The following HERC1 variants were observed in gnomAD, a reference collection of about 807,000 sequenced individuals.
HERC1 encodes HECT and RLD domain containing E3 ubiquitin protein ligase family member 1.
A neutral mutation model predicts 554.3 loss-of-function variants in HERC1; 160 were observed. The observed-to-expected ratio is 0.29, with a 90% CI of 0.25 to 0.33. HERC1 has a LOEUF of 0.33. Ranked by LOEUF, HERC1 falls within the 10% of genes least tolerant of loss-of-function variation. The pLI, the probability that HERC1 is intolerant of heterozygous loss-of-function variation, is 1.00. For synonymous variants in HERC1, 2,175 were observed against 2,131.7 expected, an observed-to-expected ratio of 1.02 and a Z score of -0.56; for missense variants, 4,919 against 5,918.5, an observed-to-expected ratio of 0.83 and a Z score of 5.54.
At position 63,608,904 on chromosome 15, in the gene HERC1, G is replaced by T; in HGVS notation, c.*177C>A. 1 of 516,656 alleles carries T rather than the reference G, an allele frequency of 1.9e-6. No homozygotes were observed. 32.0% of individuals were successfully genotyped at this position (516,656 alleles called of 1,614,324 possible). ...TTTTTGTTGTTTTTGTACAATCACAGAAAAATAAAAACATCTAATTTCTTT... is the reference window on the plus strand; with the variant it reads ...TTTTTGTTGTTTTTGTACAATCACATAAAAATAAAAACATCTAATTTCTTT... On this transcript the variant is annotated 3_prime_UTR_variant, in exon 78 of 78. Coordinates refer to ENST00000443617, the MANE Select transcript of HERC1 (RefSeq NM_003922.4).
chr15:63,738,733 AATCT>A (rs1461725089), intron 12 of HERC1, among the ~76,000 whole-genome samples: 1 of 152,230 alleles, frequency 6.6e-6, no homozygotes, highest in Non-Finnish European at 1.5e-5. Context: ...ATCCTGGAAC[AATCT>A]ATCTCCAAGT....
At chr15:63,791,971 G>A (rs1397169540) in intron 1 of HERC1, among the ~76,000 whole-genome samples, 3 of 152,170 alleles carry the variant, frequency 2.0e-5, no homozygotes, top group Admixed American at 6.5e-5. Flanking sequence ...CTTGTTATCA[G>A]CAACTGTCTG....
intron 12 of HERC1, among the ~76,000 whole-genome samples, chr15:63,744,164 G>GTGTGTGTGTCTCTC: frequency 8.6e-5 from 4 of 46,312 alleles, no homozygotes; most frequent in East Asian, 4.9e-4. Context: ...GTGTGTGTGT[G>GTGTGTGTGTCTCTC]TCTCTCTCTC....
intron 76 of HERC1, among the ~76,000 whole-genome samples, chr15:63,613,445 GGTTT>G: frequency 6.6e-6 from 1 of 152,056 alleles, no homozygotes. Flanking sequence ...CACTGTTCAA[GGTTT>G]GTTTCATAAA....
chr15:63,833,747 G>GCACACACACACACA (rs1279912396), intron 1 of HERC1, 80 bp downstream of exon 1: 1 of 117,738 alleles, frequency 8.5e-6, no homozygotes, highest in African/African-American at 4.1e-5. Context: ...GCACACACGC[G>GCACACACACACACA]CGCGCGCACA....
Position 63,641,576 on chromosome 15 carries a change from G to T in HERC1, c.11501C>A (p.Thr3834Lys). Residue 3834 changes from threonine (T) to lysine (K), a missense_variant, in exon 60 of 78, where the codon ACA becomes AAA. Physicochemically the swap from Thr to Lys is moderately conservative, Grantham distance 78 (BLOSUM62 -1). This residue lies in a region of HERC1 where 1,963 missense variants were observed against 2,228.6 expected (regional missense o/e 0.88). Transcript: ENST00000443617. ...AANHVLATCR[T>K]ALKQQGVLGL... Reference sequence around the variant, plus strand: ...CAGAACACCCTGCTGTTTCAATGCTGTCCTACAGGTTGCCAAAACATGATT... The same window carrying T: ...CAGAACACCCTGCTGTTTCAATGCTTTCCTACAGGTTGCCAAAACATGATT... 1 of 1,604,220 alleles carries T rather than the reference G, an allele frequency of 6.2e-7. No homozygotes were observed. Among genetic ancestry groups the T allele is most frequent in the Non-Finnish European group, 8.5e-7 (1 of 1,174,676 alleles).
chr15:63,693,494 T>C (rs1282218861), intron 30 of HERC1, among the ~76,000 whole-genome samples: 2 of 152,134 alleles, frequency 1.3e-5, no homozygotes, highest in Non-Finnish European at 2.9e-5. Flanking sequence ...TCCACCCACC[T>C]TGGCCTCCCA....
At chr15:63,646,546 A>C (rs2069350669) in intron 55 of HERC1, among the ~76,000 whole-genome samples, 1 of 151,912 alleles carries the variant, frequency 6.6e-6, no homozygotes, top group Admixed American at 6.6e-5. Flanking sequence ...TCACGCCCGT[A>C]ATCCAAACAC....
intron 25 of HERC1, among the ~76,000 whole-genome samples, chr15:63,700,774 C>T (rs2072676274): frequency 6.8e-6 from 1 of 146,386 alleles, no homozygotes; most frequent in Non-Finnish European, 1.5e-5. Context: ...AACAACCTAC[C>T]TAAAAATTTC....
At chr15:63,769,846 ACTCT>A (rs1012019468) in intron 2 of HERC1, among the ~76,000 whole-genome samples, 4 of 151,866 alleles carry the variant, frequency 2.6e-5, no homozygotes, top group Non-Finnish European at 5.9e-5. Flanking sequence ...TCAGAGCAAG[ACTCT>A]CTGTCTTAAA....
chr15:63,694,882 C>T lies in HERC1; in HGVS notation c.5134G>A (p.Ala1712Thr). The change falls in exon 28 of 78, where the codon GCA becomes ACA. Residue 1712 changes from alanine (A) to threonine (T), a missense_variant. Coordinates refer to ENST00000443617, the MANE Select transcript of HERC1 (RefSeq NM_003922.4). This position sits in a 1 kb window ranked among gnomAD's most constrained non-coding sequence, Gnocchi z 4.3. ...RLHHYQDGIR[A>T]AKRNIQIEIQ... ...TCAATCTGAATATTTCTCTTAGCTG[C>T]TCTGATCCCATCCTGAATTACACAT... 1.9e-6 allele frequency: 3 copies of T among 1,612,964 alleles called. No homozygotes were observed. The highest frequency in any genetic ancestry group is 2.2e-5 in the East Asian group (1 of 44,852).
rs1450836910 is a variant in HERC1 at position 63,692,923 on chromosome 15, G to A, written c.5675-357C>T. Among the ~76,000 whole-genome samples, 1 of 152,138 alleles carries A rather than the reference G, an allele frequency of 6.6e-6. No homozygotes were observed. Among genetic ancestry groups the A allele is most frequent in the Non-Finnish European group, 1.5e-5 (1 of 68,020 alleles). ...AGGACAGGCGCAATGGCTCACATCT[G>A]TAATCCCAGCACTTTGGGAGGTCGA... On this transcript the variant is annotated intron_variant, in intron 30 of 77. Transcript: ENST00000443617. The surrounding 1 kb of genome is among the most constrained non-coding windows in gnomAD (Gnocchi z 4.7).
At chr15:63,668,662 CA>C (rs1042665692) in intron 40 of HERC1, among the ~76,000 whole-genome samples, 25 of 151,710 alleles carry the variant, frequency 1.6e-4, no homozygotes, top group African/African-American at 5.6e-4. Flanking sequence ...GATTTCAGGG[CA>C]AAAAAATATC....
At chr15:63,614,876 T>G (rs1210662383) in intron 76 of HERC1, among the ~76,000 whole-genome samples, 2 of 152,172 alleles carry the variant, frequency 1.3e-5, no homozygotes, top group Non-Finnish European at 2.9e-5. Context: ...AAACAAGACC[T>G]AAATTCTGGG....
At chr15:63,619,310 G>A (rs1365375221) in intron 74 of HERC1, among the ~76,000 whole-genome samples, 12 of 151,984 alleles carry the variant, frequency 7.9e-5, no homozygotes, top group South Asian at 6.2e-4. Flanking sequence ...ATTGATTTTC[G>A]TATGTTGAAC....
chr15:63,726,587 C>T (rs911159092), intron 17 of HERC1, among the ~76,000 whole-genome samples: 3 of 151,806 alleles, frequency 2.0e-5, no homozygotes, highest in South Asian at 2.1e-4. Flanking sequence ...AATTTGAAAA[C>T]CAACAAAATA....
intron 2 of HERC1, among the ~76,000 whole-genome samples, chr15:63,766,202 T>C (rs573058873): frequency 2.6e-4 from 40 of 151,372 alleles, no homozygotes; most frequent in Non-Finnish European, 4.4e-5. Flanking sequence ...AGGTCAAACA[T>C]TAACTTCATC....
intron 1 of HERC1, among the ~76,000 whole-genome samples, chr15:63,833,507 G>T (rs961965202): frequency 6.6e-6 from 1 of 151,906 alleles, no homozygotes; most frequent in African/African-American, 2.4e-5. Flanking sequence ...GGGCACAGAC[G>T]TTGTAAGCCG....
intron 1 of HERC1, among the ~76,000 whole-genome samples, chr15:63,795,166 C>T (rs2076776777): frequency 6.7e-6 from 1 of 149,242 alleles, no homozygotes; most frequent in Middle Eastern, 3.6e-3. Flanking sequence ...TGTATCAATA[C>T]AGTTTTAAAG....
Sources: allele counts gnomAD v4.1 joint callset (sites outside exome capture counted in the v4.1 genomes callset), GRCh38; gene constraint gnomAD v4.1.1; regional missense constraint gnomAD v4.1.1; non-coding constraint Gnocchi (gnomAD v3.1); transcripts MANE v1.5; gene names NCBI Gene and HGNC (gene_info 2026-07-23, HGNC 2026-07-21).